PHF24: variants seen among roughly 807,000 people sequenced by gnomAD.
PHF24 encodes Galpha inhibitory interacting protein.
In PHF24, 25 loss-of-function variants were observed where a neutral mutation model predicts 42.6. The ratio of observed to expected loss-of-function variants is 0.59; its 90% CI spans 0.43 to 0.82. The LOEUF (loss-of-function observed/expected upper bound fraction) is 0.82, where lower values mean the gene tolerates loss of function less well. PHF24 is among the 40% of genes least tolerant of loss of function. The probability of loss-of-function intolerance (pLI) is 0.00; values close to 1 mark genes in which losing one functional copy is unlikely to be tolerated. For synonymous variants in PHF24, 185 were observed against 204.8 expected (o/e 0.90, Z 0.83); for missense variants, 470 against 538.1 (o/e 0.87, Z 1.25).
chr9:34,835,595 C>T, the PHF24 span: 3 of 1,551,780 alleles, frequency 1.9e-6, no homozygotes, highest in Non-Finnish European at 2.6e-6. Context: ...CTGCTCATCT[C>T]CTCCTGGTTC....
chr9:34,956,872 T>A (rs1471248824), upstream of PHF24, among the ~76,000 whole-genome samples: 2 of 152,234 alleles, frequency 1.3e-5, no homozygotes, highest in African/African-American at 4.8e-5. Flanking sequence ...ACTCCATATA[T>A]TAATGGTTTA....
chr9:34,875,577 T>C, the PHF24 span, among the ~76,000 whole-genome samples: 1 of 152,156 alleles, frequency 6.6e-6, no homozygotes, highest in Non-Finnish European at 1.5e-5. Context: ...ATTTCATAAA[T>C]TATATTTCTT....
chr9:34,947,415 C>T, the PHF24 span, among the ~76,000 whole-genome samples: 7 of 152,180 alleles, frequency 4.6e-5, no homozygotes, highest in Non-Finnish European at 1.0e-4. Flanking sequence ...CACTGTGCTG[C>T]CGGTTATATA....
the PHF24 span, chr9:34,726,473 G>A: frequency 1.3e-3 from 1,960 of 1,551,532 alleles, 37 homozygotes; most frequent in East Asian, 0.04. Flanking sequence ...GGAGACCTGG[G>A]AATTCAAGTG....
the PHF24 span, among the ~76,000 whole-genome samples, chr9:34,860,687 AGTGTGT>A: frequency 1.3e-5 from 2 of 149,954 alleles, no homozygotes; most frequent in East Asian, 2.0e-4. Flanking sequence ...GACCTTTAAA[AGTGTGT>A]GTGTGTGTGT....
chr9:34,760,656 GCC>G, the PHF24 span, among the ~76,000 whole-genome samples: 1 of 152,152 alleles, frequency 6.6e-6, no homozygotes, highest in Non-Finnish European at 1.5e-5. Context: ...AGGGCAGCAC[GCC>G]CCCACCCAAT....
the PHF24 span, among the ~76,000 whole-genome samples, chr9:34,870,580 C>CTTTT: frequency 0.69 from 103,305 of 148,966 alleles, 36,522 homozygotes; most frequent in East Asian, 0.83. Context: ...TCTTCCATGT[C>CTTTT]TTTTTTTTTG....
chr9:34,809,037 T>A, the PHF24 span, among the ~76,000 whole-genome samples: 2 of 104,078 alleles, frequency 1.9e-5, no homozygotes, highest in East Asian at 4.4e-4. This position sits in a 1 kb window ranked among gnomAD's most constrained non-coding sequence, Gnocchi z 4.1. Context: ...TAAAGTATAA[T>A]AAAAAAAAAA....
the PHF24 span, chr9:34,709,361 TG>T: frequency 6.5e-5 from 105 of 1,603,878 alleles, no homozygotes; most frequent in Non-Finnish European, 4.8e-5. Flanking sequence ...GTGAGGCTGG[TG>T]GGGTCTCCAG....
chr9:34,962,602 A>G (rs933048157), intron 1 of PHF24, among the ~76,000 whole-genome samples: 1 of 152,202 alleles, frequency 6.6e-6, no homozygotes, highest in African/African-American at 2.4e-5. Context: ...AGAGAAGTAA[A>G]TGGTGATAAT....
At chr9:34,689,884 C>G in the PHF24 span, 1 of 1,614,140 alleles carries the variant, frequency 6.2e-7, no homozygotes, top group African/African-American at 1.3e-5. This position sits in a 1 kb window ranked among gnomAD's most constrained non-coding sequence, Gnocchi z 4.1. Flanking sequence ...GAATCTTAGA[C>G]AGGAGCTCAG....
chr9:34,958,597 C>T lies in PHF24; in HGVS notation c.-5+196C>T, dbSNP rs755034821. ...GTCCCTGAGGTGCTGTGGGGAGCCGCCCCCATAAAGACCCCCTGTGGGAAT... is the reference window on the plus strand; with the variant it reads ...GTCCCTGAGGTGCTGTGGGGAGCCGTCCCCATAAAGACCCCCTGTGGGAAT... On this transcript the variant is annotated intron_variant, in intron 1 of 7. Coordinates refer to ENST00000242315, the Ensembl canonical transcript of PHF24. The surrounding 1 kb of genome is among the most constrained non-coding windows in gnomAD (Gnocchi z 4.5). Among the ~76,000 whole-genome samples, 1 of 152,152 alleles carries T rather than the reference C, an allele frequency of 6.6e-6. No individual in the cohort carries two copies. Among genetic ancestry groups the T allele is most frequent in the Non-Finnish European group, 1.5e-5 (1 of 67,994 alleles).
At chr9:34,967,225 C>G (rs16932094) in intron 1 of PHF24, among the ~76,000 whole-genome samples, 4,002 of 152,286 alleles carry the variant, frequency 0.026, 189 homozygotes, top group African/African-American at 0.092. Context: ...AAGGGCAGCA[C>G]TTTCCTTATA....
In PHF24 at chr9:34,977,725, C is replaced by T. The variant is rs998888003; in HGVS notation, c.1106+84C>T. On this transcript the variant is annotated intron_variant, in intron 7 of 7. Coordinates refer to ENST00000242315, the Ensembl canonical transcript of PHF24. The stretch of plus-strand genomic sequence containing the variant: ...AGTAAGAGAGGGCATTACCCACTCC[C>T]ACTCCAAAACAGCAAGCGCCCACCC... 1.5e-5 allele frequency: 18 copies of T among 1,185,090 alleles called. No individual in the cohort carries two copies. The African/African-American group carries it at 2.8e-4, about 18-fold the overall frequency. 73.4% of individuals were successfully genotyped at this position (1,185,090 alleles called of 1,614,324 possible). A position where few individuals can be genotyped will look rare whatever the true frequency, so the allele number is the denominator to read the frequency against.
chr9:34,674,563 A>G, the PHF24 span, among the ~76,000 whole-genome samples: 2 of 152,388 alleles, frequency 1.3e-5, no homozygotes, highest in East Asian at 1.9e-4. Flanking sequence ...CTGTATTCCA[A>G]TAAAACTCTA....
At chr9:34,862,296 G>A in the PHF24 span, among the ~76,000 whole-genome samples, 2 of 152,102 alleles carry the variant, frequency 1.3e-5, no homozygotes, top group African/African-American at 4.8e-5. Flanking sequence ...TGAGGGGCAC[G>A]TGACCTACTG....
At chr9:34,718,982 G>T in the PHF24 span, among the ~76,000 whole-genome samples, 1 of 152,184 alleles carries the variant, frequency 6.6e-6, no homozygotes, top group African/African-American at 2.4e-5. Context: ...AAGATCCCAA[G>T]CAAGCACTGA....
chr9:34,852,723 C>G, the PHF24 span, among the ~76,000 whole-genome samples: 2 of 152,110 alleles, frequency 1.3e-5, no homozygotes, highest in South Asian at 2.1e-4. Context: ...TGTTTTTTAA[C>G]AGTTTCATTA....
chr9:34,969,209 T>C (rs1332968802), intron 1 of PHF24, among the ~76,000 whole-genome samples: 2 of 152,170 alleles, frequency 1.3e-5, no homozygotes, highest in African/African-American at 4.8e-5. Flanking sequence ...GCACTGAAAG[T>C]TTTAATCAGG....
Sources: allele counts gnomAD v4.1 joint callset (sites outside exome capture counted in the v4.1 genomes callset), GRCh38; gene constraint gnomAD v4.1.1; non-coding constraint Gnocchi (gnomAD v3.1); transcripts MANE v1.5; gene names NCBI Gene and HGNC (gene_info 2026-07-23, HGNC 2026-07-21).